Variants in BFAR observed in about 807,000 individuals in gnomAD.
The protein encoded by BFAR is RING finger protein 47.
BFAR carries 52 observed loss-of-function variants against 54.4 expected under a neutral mutation model. That is an observed-to-expected ratio of 0.96 (90% confidence interval 0.77 to 1.21). The LOEUF is 1.21. Ranked by LOEUF, BFAR falls within the 50% of genes most tolerant of loss-of-function variation. The pLI, the probability that BFAR is intolerant of heterozygous loss-of-function variation, is 0.00. For synonymous variants in BFAR, 215 were observed against 204.3 expected, an observed-to-expected ratio of 1.05 and a Z score of -0.45; for missense variants, 571 against 534.0, an observed-to-expected ratio of 1.07 and a Z score of -0.68.
intron 5 of BFAR, among the ~76,000 whole-genome samples, chr16:14,660,359 T>C (rs1960254821): frequency 6.6e-6 from 1 of 152,086 alleles, no homozygotes; most frequent in Non-Finnish European, 1.5e-5. Context: ...AGATCTTGGC[T>C]CACTGCAACC....
rs539918782 is a variant in BFAR at position 14,662,551 on chromosome 16, A to G, written c.957+486A>G. ...GATTGATTGTTTGAGATTGGGTCTC[A>G]TTCTTTCTCCCAGGCTGGAGTACAG... On this transcript the variant is annotated intron_variant, in intron 6 of 7. Coordinates refer to ENST00000261658, the MANE Select transcript of BFAR (RefSeq NM_016561.3). Among the ~76,000 whole-genome samples, 16 of 152,194 alleles carry G rather than the reference A, an allele frequency of 1.1e-4. No individual in the cohort carries two copies. The South Asian group carries it at 3.1e-3, about 30-fold the overall frequency.
rs372838552 is a variant in BFAR at position 14,667,728 on chromosome 16, T to C, written c.1254T>C (p.Val418=). 8.1e-6 allele frequency: 13 copies of C among 1,613,902 alleles called. No individual in the cohort carries two copies. The highest frequency in any genetic ancestry group is 1.6e-4 in the Middle Eastern group (1 of 6,084). Reference sequence around the variant, plus strand: ...TCTGGCCCCTCATCCCTCAGTTTGTTTGCAACTGTTTGTTTTACTGGGCCC... The same window carrying C: ...TCTGGCCCCTCATCCCTCAGTTTGTCTGCAACTGTTTGTTTTACTGGGCCC... The part of the protein sequence containing the change: ...AMFWPLIPQF[V]CNCLFYWALY... Residue 418 remains valine, a synonymous_variant, in exon 8 of 8, where the codon GTT becomes GTC. Coordinates refer to ENST00000261658, the MANE Select transcript of BFAR (RefSeq NM_016561.3).
intron 6 of BFAR, among the ~76,000 whole-genome samples, 178 bp downstream of exon 6, chr16:14,662,243 A>T (rs1960311806): frequency 6.6e-6 from 1 of 152,106 alleles, no homozygotes; most frequent in African/African-American, 2.4e-5. Context: ...AGTACTTCTG[A>T]CCTGTTCATA....
rs761771984 is a variant in BFAR at position 14,649,947 on chromosome 16, G to GT, written c.617dup (p.Leu206PhefsTer3). 7 of 1,611,754 alleles carry GT rather than the reference G, an allele frequency of 4.3e-6. No homozygotes were observed. The South Asian group carries it at 7.7e-5, about 18-fold the overall frequency. ...CTTGGGCATCTCTTTACAGGGAAAGGTTTTTATCTGAACGAGTAAATGGAA... is the reference window on the plus strand; with the variant it reads ...CTTGGGCATCTCTTTACAGGGAAAGGTTTTTTATCTGAACGAGTAAATGGAA... On this transcript the variant is annotated frameshift_variant, in exon 4 of 8. Transcript: ENST00000261658. LOFTEE classifies it high-confidence loss of function.
rs1231389528 is a variant in BFAR at position 14,668,751 on chromosome 16, C to G, written c.*924C>G. On this transcript the variant is annotated 3_prime_UTR_variant, in exon 8 of 8. Transcript: ENST00000261658. ...ATCCCAGCTACTTGGAATTGGAAATCGCCTGAACCCAGGAGGCGGAGGTTG... is the reference window on the plus strand; with the variant it reads ...ATCCCAGCTACTTGGAATTGGAAATGGCCTGAACCCAGGAGGCGGAGGTTG... The G allele has an allele frequency of 6.4e-6, 1 of 156,804 alleles. No individual in the cohort carries two copies. Among genetic ancestry groups the G allele is most frequent in the Non-Finnish European group, 1.4e-5 (1 of 71,186 alleles). The allele number at this position is 156,804 out of a possible 1,614,324, so 9.7% of individuals were successfully genotyped here.
chr16:14,644,186 G>A (rs1959714072), intron 1 of BFAR, 88 bp from the exon 2 acceptor site: 2 of 724,798 alleles, frequency 2.8e-6, no homozygotes, highest in South Asian at 1.9e-5. Context: ...AAAAATTAGC[G>A]CTTCAATAGA....
chr16:14,656,167 A>T (rs1596986275), intron 5 of BFAR, among the ~76,000 whole-genome samples: 1 of 152,082 alleles, frequency 6.6e-6, no homozygotes, highest in Admixed American at 6.6e-5. Flanking sequence ...ACACCGCTGC[A>T]TGGCAGCCTA....
rs774393097 is a variant in BFAR, at chr16:14,661,392, C to CTTTT, written c.784-476_784-473dup. 1.1e-3 allele frequency among the ~76,000 whole-genome samples: 74 copies of CTTTT among 65,102 alleles called. 11 individuals are homozygous for CTTTT. The highest frequency in any genetic ancestry group is 1.8e-3 in the Admixed American group (8 of 4,508). The allele number at this position is 65,102 out of a possible 152,430, so 42.7% of individuals were successfully genotyped here. A position where few individuals can be genotyped will look rare whatever the true frequency, so the allele number is the denominator to read the frequency against. On this transcript the variant is annotated intron_variant, in intron 5 of 7. Transcript: ENST00000261658. ...CCCCAGCTAGAGCTAGAGATTGGATCTTTTTTTTTTTTTTTTTTTTTTTTT... is the reference window on the plus strand; with the variant it reads ...CCCCAGCTAGAGCTAGAGATTGGATCTTTTTTTTTTTTTTTTTTTTTTTTTTTTT...
intron 4 of BFAR, among the ~76,000 whole-genome samples, chr16:14,650,909 A>G (rs1372852187): frequency 1.3e-5 from 2 of 152,164 alleles, no homozygotes; most frequent in Admixed American, 6.5e-5. Flanking sequence ...CTGTCAAACT[A>G]TTTTCCACAG....
chr16:14,651,991 A>G (rs1959983035), intron 4 of BFAR, among the ~76,000 whole-genome samples: 1 of 143,080 alleles, frequency 7.0e-6, no homozygotes, highest in Non-Finnish European at 1.5e-5. Flanking sequence ...GGTTCAAGCG[A>G]TTCTCCTGCC....
intron 6 of BFAR, among the ~76,000 whole-genome samples, chr16:14,662,815 G>A (rs1035448925): frequency 2.0e-5 from 3 of 152,260 alleles, no homozygotes; most frequent in African/African-American, 2.4e-5. Context: ...GTTAAAGAAG[G>A]AAGGGATTTA....
At chr16:14,638,818 G>A (rs564151573) in intron 1 of BFAR, among the ~76,000 whole-genome samples, 3 of 152,144 alleles carry the variant, frequency 2.0e-5, no homozygotes, top group East Asian at 1.9e-4. Context: ...GGTGCTGGGC[G>A]CCTGTAATCC....
chr16:14,642,213 G>GA (rs1369186855), intron 1 of BFAR, among the ~76,000 whole-genome samples: 3 of 152,186 alleles, frequency 2.0e-5, no homozygotes, highest in Admixed American at 6.5e-5. Flanking sequence ...AAACTCACCA[G>GA]AAATAGTATG....
At chr16:14,646,117 T>A (rs117376789) in intron 2 of BFAR, among the ~76,000 whole-genome samples, 2,311 of 152,284 alleles carry the variant, frequency 0.015, 34 homozygotes, top group South Asian at 0.045. Context: ...AATGGCGTGA[T>A]CTCGACTTAC....
chr16:14,636,663 T>C, intron 1 of BFAR, among the ~76,000 whole-genome samples: 1 of 152,222 alleles, frequency 6.6e-6, no homozygotes, highest in East Asian at 1.9e-4. Flanking sequence ...CCTCTTATGC[T>C]AATCCTCCTC....
chr16:14,638,966 A>G (rs948048813), intron 1 of BFAR, among the ~76,000 whole-genome samples: 1 of 152,116 alleles, frequency 6.6e-6, no homozygotes, highest in African/African-American at 2.4e-5. Flanking sequence ...AAAAAAAGAA[A>G]AATTCTTAAA....
chr16:14,665,238 G>A (rs1024912121), intron 7 of BFAR, 167 bp downstream of exon 7: 1 of 659,296 alleles, frequency 1.5e-6, no homozygotes, highest in East Asian at 2.7e-5. Flanking sequence ...ACAATTACCT[G>A]TGTTTTGGGG....
At chr16:14,635,398 AC>A (rs1383324189) in intron 1 of BFAR, among the ~76,000 whole-genome samples, 10 of 151,860 alleles carry the variant, frequency 6.6e-5, no homozygotes, top group Non-Finnish European at 1.0e-4. Context: ...CTTGGTAACT[AC>A]CCATAGTTTT....
chr16:14,644,596 A>C lies in BFAR; in HGVS notation c.250A>C (p.Ser84Arg). 1.2e-6 allele frequency: 2 copies of C among 1,613,484 alleles called. No homozygotes were observed. The highest frequency in any genetic ancestry group is 2.2e-5 in the South Asian group (2 of 91,084). Residue 84 changes from serine to arginine, a missense_variant, in exon 2 of 8, where the codon AGT (serine) becomes CGT (arginine). Physicochemically the swap from Ser to Arg is moderately radical, Grantham distance 110. Coordinates refer to ENST00000261658, the MANE Select transcript of BFAR (RefSeq NM_016561.3). ...REKWEGFPKV[S>R]ILLRDAIEKL... ...AAAATGGGAAGGTTTCCCCAAAGTC[A>C]GTATTCTCCTCAGGTAATGTTCAGC...
Sources: allele counts gnomAD v4.1 joint callset (sites outside exome capture counted in the v4.1 genomes callset), GRCh38; gene constraint gnomAD v4.1.1; transcripts MANE v1.5; gene names NCBI Gene and HGNC (gene_info 2026-07-23, HGNC 2026-07-21).